Variants in SPATS2 observed in about 807,000 individuals in gnomAD.
SPATS2 encodes spermatogenesis-associated serine-rich protein 2.
Under a neutral mutation model 63.7 loss-of-function variants are expected in SPATS2, and 38 were observed. The observed-to-expected ratio is 0.60, with a 90% CI of 0.46 to 0.78. The LOEUF (loss-of-function observed/expected upper bound fraction) is 0.78, where lower values mean the gene tolerates loss of function less well. SPATS2 is among the 30% of genes least tolerant of loss of function. SPATS2 has a pLI of 0.00. For missense variants in SPATS2, 588 were observed against 666.2 expected, an observed-to-expected ratio of 0.88 and a Z score of 1.29; for synonymous variants, 207 against 232.9, an observed-to-expected ratio of 0.89 and a Z score of 1.01.
Position 49,502,748 on chromosome 12 carries a change from C to T in SPATS2, c.839+2543C>T, listed in dbSNP as rs377097880. The stretch of plus-strand genomic sequence containing the variant: ...CTGGGATTACAGCCATAAGCCACTG[C>T]GCCTGGCTGTCTTCTGTTTTTCTTG... On this transcript the variant is annotated intron_variant, in intron 9 of 13. Transcript: ENST00000552918. 2.6e-4 allele frequency among the ~76,000 whole-genome samples: 40 copies of T among 152,278 alleles called. No homozygotes were observed. The South Asian group carries it at 6.8e-3, about 26-fold the overall frequency.
intron 2 of SPATS2, chr12:49,406,672 A>T (rs767364435): frequency 6.6e-6 from 1 of 151,970 alleles, no homozygotes; most frequent in Non-Finnish European, 1.5e-5. Flanking sequence ...CCCCTATTTT[A>T]AATTTGCTAC....
At chr12:49,487,764 A>AT (rs1946319506) in intron 4 of SPATS2, among the ~76,000 whole-genome samples, 1 of 151,950 alleles carries the variant, frequency 6.6e-6, no homozygotes. Flanking sequence ...CATCCGGCTA[A>AT]TTTTATTTTT....
chr12:49,519,052 A>C, intron 10 of SPATS2, 21 bp from the exon 11 acceptor site: 1 of 1,593,236 alleles, frequency 6.3e-7, no homozygotes, highest in Non-Finnish European at 8.6e-7. Context: ...CATAAGGTTC[A>C]CACTCACTTT....
intron 2 of SPATS2, among the ~76,000 whole-genome samples, chr12:49,382,023 G>C (rs1327895786): frequency 6.6e-6 from 1 of 152,142 alleles, no homozygotes; most frequent in African/African-American, 2.4e-5. Flanking sequence ...TCAGGAACTG[G>C]TGATTCAGAT....
intron 9 of SPATS2, among the ~76,000 whole-genome samples, chr12:49,513,509 A>G (rs1330239662): frequency 6.6e-6 from 1 of 152,058 alleles, no homozygotes; most frequent in African/African-American, 2.4e-5. Flanking sequence ...TTTTATAACA[A>G]CATGGAAAAG....
At chr12:49,372,574 CTCTA>C (rs1944016404) in intron 2 of SPATS2, among the ~76,000 whole-genome samples, 1 of 152,112 alleles carries the variant, frequency 6.6e-6, no homozygotes, top group Non-Finnish European at 1.5e-5. Context: ...CTTAAGAATG[CTCTA>C]TATGTTATGT....
chr12:49,374,303 AT>A (rs1047118926), intron 2 of SPATS2, among the ~76,000 whole-genome samples: 34 of 151,938 alleles, frequency 2.2e-4, no homozygotes, highest in African/African-American at 8.0e-4. Flanking sequence ...TAGTTTTAAA[AT>A]TTTTTGTAGA....
At chr12:49,469,559 A>AAG in intron 3 of SPATS2, 1 of 432,200 alleles carries the variant, frequency 2.3e-6, no homozygotes, top group South Asian at 1.7e-5. Flanking sequence ...AAAAAAAAAA[A>AAG]AAAAAGAAAA....
At chr12:49,452,570 A>G (rs998969067) in intron 2 of SPATS2, among the ~76,000 whole-genome samples, 1 of 152,136 alleles carries the variant, frequency 6.6e-6, no homozygotes, top group Admixed American at 6.6e-5. Flanking sequence ...GAGCCACTGC[A>G]CCTGGCTTGT....
In SPATS2 at chr12:49,484,640, G is replaced by C; in HGVS notation, c.76G>C (p.Gly26Arg). ...GCAGTCCAATACCGTACTGGCCCAGGGAGGAGCTTTTGAGAACATGAAAGA... is the reference window on the plus strand; with the variant it reads ...GCAGTCCAATACCGTACTGGCCCAGCGAGGAGCTTTTGAGAACATGAAAGA... ...DLQSNTVLAQ[G>R]GAFENMKEKI... is the part of the protein sequence containing the mutation. The change falls in exon 4 of 14, where the codon GGA (glycine) becomes CGA (arginine). Residue 26 changes from glycine (G) to arginine (R), a missense_variant. Physicochemically the swap from Gly to Arg is moderately radical, Grantham distance 125 (BLOSUM62 -2). Transcript: ENST00000552918. The C allele has an allele frequency of 6.2e-7, 1 of 1,613,994 alleles. No homozygotes were observed. The highest frequency in any genetic ancestry group is 8.5e-7 in the Non-Finnish European group (1 of 1,179,936).
chr12:49,404,958 C>T (rs1228667072), intron 2 of SPATS2, among the ~76,000 whole-genome samples: 1 of 150,708 alleles, frequency 6.6e-6, no homozygotes, highest in African/African-American at 2.4e-5. Context: ...CTGAAAAAAA[C>T]TTGTGTTGGA....
chr12:49,389,475 T>TA, intron 2 of SPATS2: 1 of 765,718 alleles, frequency 1.3e-6, no homozygotes, highest in South Asian at 1.5e-5. Context: ...TCGCCACAGC[T>TA]GACGGCTGCG....
At chr12:49,382,153 A>G (rs919188853) in intron 2 of SPATS2, among the ~76,000 whole-genome samples, 2 of 152,194 alleles carry the variant, frequency 1.3e-5, no homozygotes, top group Non-Finnish European at 2.9e-5. Flanking sequence ...CGTCCAAGTC[A>G]GTTGGTGACT....
intron 9 of SPATS2, among the ~76,000 whole-genome samples, chr12:49,505,784 C>A (rs1353277532): frequency 6.6e-6 from 1 of 152,088 alleles, no homozygotes; most frequent in Admixed American, 6.6e-5. Flanking sequence ...AGTTGCAGAT[C>A]CAATATTTGA....
At chr12:49,427,408 A>G (rs1013097442) in intron 2 of SPATS2, among the ~76,000 whole-genome samples, 2 of 152,210 alleles carry the variant, frequency 1.3e-5, no homozygotes, top group African/African-American at 2.4e-5. Flanking sequence ...CATTTAGTGA[A>G]TACATCACAG....
At position 49,521,347 on chromosome 12, in the gene SPATS2, T is replaced by G. The variant is rs185364969; in HGVS notation, c.1009-1404T>G. ...CCAGTGTTAGACCTGTGGAGTGGTG[T>G]TGTTCTCTCACTGCCTCCCCTTTAA... is the stretch of plus-strand genomic sequence containing the variant. On this transcript the variant is annotated intron_variant, in intron 11 of 13. Coordinates refer to ENST00000552918, the MANE Select transcript of SPATS2 (RefSeq NM_023071.4). 2.1e-3 allele frequency among the ~76,000 whole-genome samples: 326 copies of G among 152,276 alleles called. 1 individual carries two copies. The highest frequency in any genetic ancestry group is 0.016 in the East Asian group (81 of 5,188).
chr12:49,392,478 G>A (rs546067647), intron 2 of SPATS2, among the ~76,000 whole-genome samples: 2 of 152,264 alleles, frequency 1.3e-5, no homozygotes, highest in South Asian at 4.1e-4. Context: ...CAGCAGTTTG[G>A]GAGGCGGGTG....
chr12:49,373,431 T>G (rs1944037050), intron 2 of SPATS2, among the ~76,000 whole-genome samples: 1 of 152,216 alleles, frequency 6.6e-6, no homozygotes, highest in African/African-American at 2.4e-5. Flanking sequence ...AGGTGGTCTG[T>G]CTGAAACCCA....
intron 6 of SPATS2, among the ~76,000 whole-genome samples, chr12:49,491,676 T>C (rs1485638112): frequency 6.6e-6 from 1 of 152,210 alleles, no homozygotes; most frequent in Non-Finnish European, 1.5e-5. Context: ...TTGTGACTGA[T>C]ATTGCTTAAC....
Sources: gnomAD v4.1 joint callset for allele counts (sites outside exome capture counted in the v4.1 genomes callset) on GRCh38, gnomAD v4.1.1 for gene constraint, MANE v1.5 for transcripts, NCBI Gene and HGNC (gene_info 2026-07-23, HGNC 2026-07-21) for gene names.